Variants in PTPRT observed in about 807,000 individuals in gnomAD.
PTPRT encodes the protein receptor-type tyrosine-protein phosphatase T.
Under a neutral mutation model 176.8 loss-of-function variants are expected in PTPRT, and 56 were observed. The ratio of observed to expected loss-of-function variants is 0.32; its 90% CI spans 0.26 to 0.40. The LOEUF (loss-of-function observed/expected upper bound fraction) is 0.40. PTPRT is among the 10% of genes least tolerant of loss of function. PTPRT has a pLI of 1.00. For missense variants in PTPRT, 1,540 were observed against 1,908.2 expected, an observed-to-expected ratio of 0.81 and a Z score of 3.60; for synonymous variants, 783 against 739.0, an observed-to-expected ratio of 1.06 and a Z score of -0.96.
At chr20:42,604,397 G>T (rs2073836157) in intron 7 of PTPRT, among the ~76,000 whole-genome samples, 1 of 152,202 alleles carries the variant, frequency 6.6e-6, no homozygotes, top group East Asian at 1.9e-4. Context: ...CTGGAGACAG[G>T]AATCTGGTTT....
chr20:43,108,213 T>C lies in PTPRT; in HGVS notation c.88+81433A>G, dbSNP rs187358870. On this transcript the variant is annotated intron_variant, in intron 1 of 30. Coordinates refer to ENST00000373187, the MANE Select transcript of PTPRT (RefSeq NM_007050.6). ...CTTAACTGGCCTGGCATCTTCTGTT[T>C]TCCACCTCTTGGAACTCTAGTTTTG... 1.9e-3 allele frequency among the ~76,000 whole-genome samples: 282 copies of C among 152,290 alleles called. 9 individuals are homozygous for C. The highest frequency in any genetic ancestry group is 0.017 in the Admixed American group (258 of 15,302).
intron 11 of PTPRT, among the ~76,000 whole-genome samples, chr20:42,320,330 C>T (rs561151267): frequency 1.3e-5 from 2 of 152,258 alleles, no homozygotes; most frequent in East Asian, 1.9e-4. Flanking sequence ...TTGAGATTCT[C>T]GGACCAGATT....
chr20:42,110,554 G>C (rs2146293427), intron 22 of PTPRT, 67 bp from the exon 23 acceptor site: 2 of 1,513,914 alleles, frequency 1.3e-6, no homozygotes, highest in South Asian at 2.6e-5. Context: ...GCAACACGTG[G>C]AGCCATAGCT....
At chr20:42,622,245 AT>A (rs368250330) in intron 7 of PTPRT, among the ~76,000 whole-genome samples, 69 of 146,734 alleles carry the variant, frequency 4.7e-4, no homozygotes, top group South Asian at 8.6e-4. Context: ...ATGGACTTAA[AT>A]TTTTTTTTTT....
At chr20:42,739,503 G>C (rs948025602) in intron 6 of PTPRT, among the ~76,000 whole-genome samples, 5 of 152,092 alleles carry the variant, frequency 3.3e-5, no homozygotes, top group Non-Finnish European at 7.3e-5. Flanking sequence ...ATGGTTGCAA[G>C]AGAGAGGGAA....
At chr20:42,479,587 T>G (rs542310480) in intron 7 of PTPRT, among the ~76,000 whole-genome samples, 2 of 152,354 alleles carry the variant, frequency 1.3e-5, no homozygotes, top group South Asian at 4.1e-4. Flanking sequence ...CTTGCTTATT[T>G]TCCACCACCT....
At chr20:42,231,019 T>C (rs191598834) in intron 15 of PTPRT, among the ~76,000 whole-genome samples, 1 of 152,278 alleles carries the variant, frequency 6.6e-6, no homozygotes, top group Admixed American at 6.5e-5. Context: ...CTGACTCCTC[T>C]CAACATGTTG....
At chr20:43,061,677 C>T (rs1987468633) in intron 1 of PTPRT, among the ~76,000 whole-genome samples, 1 of 152,190 alleles carries the variant, frequency 6.6e-6, no homozygotes, top group Non-Finnish European at 1.5e-5. Flanking sequence ...CATGTTTTCA[C>T]TCCTTTAGCC....
chr20:42,971,818 A>C (rs1347374277), intron 1 of PTPRT, among the ~76,000 whole-genome samples: 1 of 152,014 alleles, frequency 6.6e-6, no homozygotes. Flanking sequence ...GCTTACCTAC[A>C]ATGATTCATT....
At chr20:42,653,288 C>T (rs1298912736) in intron 7 of PTPRT, among the ~76,000 whole-genome samples, 2 of 152,166 alleles carry the variant, frequency 1.3e-5, no homozygotes, top group African/African-American at 4.8e-5. Context: ...TTTCCTGAGG[C>T]CTCCTAAGTC....
chr20:42,229,528 G>A lies in PTPRT; in HGVS notation c.2342+6701C>T, dbSNP rs567407255. On this transcript the variant is annotated intron_variant, in intron 15 of 30. Coordinates refer to ENST00000373187, the MANE Select transcript of PTPRT (RefSeq NM_007050.6). Reference sequence around the variant, plus strand: ...TTGATGGAATCATTTTAAAATGCCTGTTTAAATATATTGAAGCAATGATAT... The same window carrying A: ...TTGATGGAATCATTTTAAAATGCCTATTTAAATATATTGAAGCAATGATAT... Among the ~76,000 whole-genome samples, 3 of 152,268 alleles carry A rather than the reference G, an allele frequency of 2.0e-5. No homozygotes were observed. In the East Asian group the frequency reaches 5.8e-4, roughly 29 times the overall value.
chr20:42,651,130 A>G lies in PTPRT; in HGVS notation c.1153+26736T>C, dbSNP rs182418941. On this transcript the variant is annotated intron_variant, in intron 7 of 30. Transcript: ENST00000373187. ...ATAAAGGGTTCTATAAACAAAAAGC[A>G]TTTTGATAAAGGAAAGTGAATTTGG... Among the ~76,000 whole-genome samples, 16 of 152,286 alleles carry G rather than the reference A, an allele frequency of 1.1e-4. No homozygotes were observed. In the East Asian group the frequency reaches 3.1e-3, roughly 29 times the overall value.
At chr20:42,541,721 A>G (rs1034546266) in intron 7 of PTPRT, among the ~76,000 whole-genome samples, 12 of 152,056 alleles carry the variant, frequency 7.9e-5, no homozygotes, top group Non-Finnish European at 1.6e-4. Context: ...AAGAGAGGCT[A>G]CTATTTATTT....
At chr20:42,366,983 G>C (rs1421943228) in intron 9 of PTPRT, among the ~76,000 whole-genome samples, 1 of 152,154 alleles carries the variant, frequency 6.6e-6, no homozygotes, top group East Asian at 1.9e-4. Flanking sequence ...CTTGGATTGT[G>C]TTTCTTTATA....
intron 7 of PTPRT, among the ~76,000 whole-genome samples, chr20:42,612,382 C>T (rs1057468075): frequency 1.3e-5 from 2 of 152,164 alleles, no homozygotes; most frequent in Non-Finnish European, 2.9e-5. Flanking sequence ...AAACACCCCC[C>T]ACCCCAACCC....
intron 1 of PTPRT, among the ~76,000 whole-genome samples, chr20:42,894,465 C>T (rs78774266): frequency 4.7e-4 from 72 of 152,002 alleles, no homozygotes; most frequent in Non-Finnish European, 7.6e-4. Flanking sequence ...AATCACCCCA[C>T]GAGATGGATA....
chr20:42,442,056 C>T (rs1036300459), intron 9 of PTPRT, among the ~76,000 whole-genome samples: 6 of 152,198 alleles, frequency 3.9e-5, no homozygotes, highest in African/African-American at 7.2e-5. Context: ...GGTCAGTGAG[C>T]CCTGAGTGGT....
At chr20:43,030,465 G>T (rs999610625) in intron 1 of PTPRT, among the ~76,000 whole-genome samples, 3 of 150,992 alleles carry the variant, frequency 2.0e-5, no homozygotes, top group African/African-American at 7.3e-5. Context: ...AAAGAAAATG[G>T]CATTCCAGTA....
the PTPRT span, among the ~76,000 whole-genome samples, chr20:42,044,503 A>G: frequency 1.3e-5 from 2 of 152,226 alleles, no homozygotes; most frequent in Non-Finnish European, 2.9e-5. Context: ...TGCCCAGTAA[A>G]GGGCAGTTCT....
Sources: allele counts gnomAD v4.1 joint callset (sites outside exome capture counted in the v4.1 genomes callset), GRCh38; gene constraint gnomAD v4.1.1; transcripts MANE v1.5; gene names NCBI Gene and HGNC (gene_info 2026-07-23, HGNC 2026-07-21).